Variants in MCTP1 observed in about 807,000 individuals in gnomAD.
MCTP1 encodes multiple C2 and transmembrane domain containing 1.
Under a neutral mutation model 120.6 loss-of-function variants are expected in MCTP1, and 69 were observed. That is an observed-to-expected ratio of 0.57 (90% CI 0.47 to 0.70). The LOEUF is 0.70. Among genes scored for constraint, MCTP1 ranks in the 30% least tolerant of loss-of-function variants. The pLI, the probability that MCTP1 is intolerant of heterozygous loss-of-function variation, is 0.00. For synonymous variants in MCTP1, 529 were observed against 493.1 expected (o/e 1.07, Z -0.96); for missense variants, 1,203 against 1,248.8 (o/e 0.96, Z 0.55).
In MCTP1 at chr5:95,223,175, G is replaced by T. The variant is rs1016396941; in HGVS notation, c.720+60681C>A. ...TGACATATAAAATTAATTATGGCTG[G>T]GTGTGGTGGCTCACGTCTATAATCC... On this transcript the variant is annotated intron_variant, in intron 1 of 22. Coordinates refer to ENST00000515393, the MANE Select transcript of MCTP1 (RefSeq NM_024717.7). Among the ~76,000 whole-genome samples the T allele has an allele frequency of 7.2e-5, 11 of 152,260 alleles. No individual in the cohort carries two copies. The East Asian group carries it at 1.9e-3, about 27-fold the overall frequency.
intron 20 of MCTP1, among the ~76,000 whole-genome samples, chr5:94,713,341 T>C (rs17083945): frequency 0.22 from 33,943 of 152,016 alleles, 3,911 homozygotes; most frequent in East Asian, 0.35. Context: ...TCCCCAAGGC[T>C]GAACCACTGC....
chr5:94,725,558 A>C (rs1309426802), intron 19 of MCTP1, among the ~76,000 whole-genome samples: 1 of 152,166 alleles, frequency 6.6e-6, no homozygotes, highest in East Asian at 1.9e-4. Flanking sequence ...TGTTTACTTC[A>C]TTTTCAAATA....
At chr5:95,075,347 C>T (rs2152279209) in intron 1 of MCTP1, among the ~76,000 whole-genome samples, 1 of 152,274 alleles carries the variant, frequency 6.6e-6, no homozygotes, top group South Asian at 2.1e-4. Flanking sequence ...TTAACTTCCC[C>T]TTTTATTCTC....
intron 5 of MCTP1, among the ~76,000 whole-genome samples, chr5:94,938,238 C>T (rs1005459883): frequency 6.6e-6 from 1 of 152,066 alleles, no homozygotes; most frequent in African/African-American, 2.4e-5. Flanking sequence ...ATGGCTCCCC[C>T]ACAGTGTTTT....
chr5:94,839,300 T>C (rs1790496021), intron 17 of MCTP1, among the ~76,000 whole-genome samples: 1 of 152,208 alleles, frequency 6.6e-6, no homozygotes, highest in Non-Finnish European at 1.5e-5. Flanking sequence ...TAATCAACTG[T>C]AGCCATGTGC....
At chr5:95,221,622 A>G (rs145145098) in intron 1 of MCTP1, among the ~76,000 whole-genome samples, 26 of 152,342 alleles carry the variant, frequency 1.7e-4, no homozygotes, top group African/African-American at 5.8e-4. Context: ...TACCTTTTGC[A>G]AAATTTAGCC....
At chr5:95,105,982 A>G (rs1012931445) in intron 1 of MCTP1, among the ~76,000 whole-genome samples, 16 of 152,330 alleles carry the variant, frequency 1.1e-4, no homozygotes, top group Admixed American at 2.6e-4. Flanking sequence ...CAAGTCTACC[A>G]GGACCAAAGA....
chr5:95,156,752 T>C (rs955623906), intron 1 of MCTP1, among the ~76,000 whole-genome samples: 42 of 152,356 alleles, frequency 2.8e-4, no homozygotes, highest in African/African-American at 1.0e-3. Context: ...GTTCCTCTTG[T>C]AATTAATTGT....
intron 17 of MCTP1, among the ~76,000 whole-genome samples, chr5:94,858,190 C>T (rs1795060388): frequency 6.6e-6 from 1 of 151,520 alleles, no homozygotes; most frequent in Non-Finnish European, 1.5e-5. Flanking sequence ...CTTAATGAGT[C>T]GACATTTACT....
intron 1 of MCTP1, among the ~76,000 whole-genome samples, chr5:95,094,718 C>T (rs756293792): frequency 6.6e-6 from 1 of 152,094 alleles, no homozygotes; most frequent in Non-Finnish European, 1.5e-5. Flanking sequence ...AAATACCAAA[C>T]TATAAATAAA....
intron 1 of MCTP1, among the ~76,000 whole-genome samples, chr5:95,065,682 G>A (rs537639402): frequency 6.6e-6 from 1 of 152,254 alleles, no homozygotes; most frequent in Admixed American, 6.5e-5. Context: ...CTTTGAGATT[G>A]AGAAAAGAAC....
intron 17 of MCTP1, among the ~76,000 whole-genome samples, chr5:94,807,632 G>A (rs1311421601): frequency 1.3e-5 from 2 of 152,156 alleles, no homozygotes; most frequent in East Asian, 1.9e-4. Context: ...TTTCGATGCT[G>A]AGCTGCCACT....
At chr5:94,904,299 T>C (rs1216174107) in intron 10 of MCTP1, among the ~76,000 whole-genome samples, 2 of 152,192 alleles carry the variant, frequency 1.3e-5, no homozygotes, top group Non-Finnish European at 2.9e-5. Context: ...ATCACTCCAC[T>C]GGCTGAGCAA....
At chr5:95,017,220 G>A (rs1837287141) in intron 2 of MCTP1, 147 bp downstream of exon 2, 1 of 490,106 alleles carries the variant, frequency 2.0e-6, no homozygotes, top group Non-Finnish European at 3.6e-6. Context: ...CAGGAGTCAA[G>A]TAATGTGTCA....
chr5:94,742,896 G>A (rs1765853966), intron 19 of MCTP1, among the ~76,000 whole-genome samples: 2 of 152,016 alleles, frequency 1.3e-5, no homozygotes, highest in Non-Finnish European at 1.5e-5. Flanking sequence ...CTAGGCTGGG[G>A]GAGATAACGA....
intron 1 of MCTP1, among the ~76,000 whole-genome samples, chr5:95,142,899 C>T (rs1388381965): frequency 2.6e-5 from 4 of 152,136 alleles, no homozygotes; most frequent in South Asian, 2.1e-4. Flanking sequence ...CAACTCGAGC[C>T]GGTGAACAAA....
intron 17 of MCTP1, among the ~76,000 whole-genome samples, chr5:94,836,738 T>C (rs1023840797): frequency 2.6e-5 from 4 of 152,176 alleles, no homozygotes; most frequent in African/African-American, 9.7e-5. Context: ...AAATTTGCAA[T>C]TTCCTATTTA....
intron 19 of MCTP1, among the ~76,000 whole-genome samples, chr5:94,735,516 A>T (rs1764025715): frequency 6.6e-6 from 1 of 151,936 alleles, no homozygotes; most frequent in Non-Finnish European, 1.5e-5. Context: ...GGCTCAAGAG[A>T]TCTCCTTATC....
At chr5:95,058,209 G>C (rs903379652) in intron 1 of MCTP1, among the ~76,000 whole-genome samples, 1 of 152,150 alleles carries the variant, frequency 6.6e-6, no homozygotes, top group Non-Finnish European at 1.5e-5. Context: ...ATTTATGATT[G>C]ATTCTTGGAA....
Sources: allele counts gnomAD v4.1 joint callset (sites outside exome capture counted in the v4.1 genomes callset), GRCh38; gene constraint gnomAD v4.1.1; transcripts MANE v1.5; gene names NCBI Gene and HGNC (gene_info 2026-07-23, HGNC 2026-07-21).